MYO16: variants seen among roughly 807,000 people sequenced by gnomAD.
MYO16 encodes the protein unconventional myosin-XVI.
MYO16 carries 94 observed loss-of-function variants against 205.3 expected under a neutral mutation model. The ratio of observed to expected loss-of-function variants is 0.46; its 90% CI spans 0.39 to 0.54. The LOEUF (loss-of-function observed/expected upper bound fraction) is 0.54, where lower values mean the gene tolerates loss of function less well. Among genes scored for constraint, MYO16 ranks in the 20% least tolerant of loss-of-function variants. The pLI is 0.00. For synonymous variants in MYO16, 988 were observed against 954.0 expected, an observed-to-expected ratio of 1.04 and a Z score of -0.66; for missense variants, 2,315 against 2,387.5, an observed-to-expected ratio of 0.97 and a Z score of 0.63.
At chr13:109,025,250 G>C (rs901969954) in intron 23 of MYO16, among the ~76,000 whole-genome samples, 7 of 152,240 alleles carry the variant, frequency 4.6e-5, no homozygotes, top group Middle Eastern at 3.4e-3. Flanking sequence ...CCACCTGGAG[G>C]GACTCGCCTA....
chr13:108,892,428 A>T (rs569657444), intron 14 of MYO16, among the ~76,000 whole-genome samples: 5 of 152,124 alleles, frequency 3.3e-5, no homozygotes, highest in Admixed American at 1.3e-4. Flanking sequence ...TTTAGTAGAG[A>T]TGGGGTTGCA....
intron 9 of MYO16, among the ~76,000 whole-genome samples, chr13:108,829,144 C>T (rs1200586905): frequency 1.3e-5 from 2 of 152,124 alleles, no homozygotes; most frequent in Admixed American, 6.5e-5. Context: ...GTGCCCTTAA[C>T]CTGTAGGCTC....
intron 16 of MYO16, 97 bp from the exon 17 acceptor site, chr13:108,957,591 C>A: frequency 1.3e-6 from 1 of 772,062 alleles, no homozygotes; most frequent in East Asian, 2.7e-5. Flanking sequence ...AGGTGATTCC[C>A]ATCATTTTAG....
At chr13:108,557,744 G>A in the MYO16 span, among the ~76,000 whole-genome samples, 1 of 152,010 alleles carries the variant, frequency 6.6e-6, no homozygotes, top group African/African-American at 2.4e-5. Flanking sequence ...ATGAAAAGAG[G>A]TCAATATTTA....
upstream of MYO16, among the ~76,000 whole-genome samples, chr13:108,591,223 C>T (rs2139284122): frequency 6.6e-6 from 1 of 152,280 alleles, no homozygotes; most frequent in Admixed American, 6.5e-5. Context: ...CTGAGAAGCC[C>T]TGTCTCTGGG....
chr13:109,173,953 G>GGGT (rs1555338670), intron 33 of MYO16, among the ~76,000 whole-genome samples: 2 of 147,630 alleles, frequency 1.4e-5, no homozygotes, highest in African/African-American at 2.5e-5. Flanking sequence ...TTGATGGGGG[G>GGGT]GGGTACTCTC....
chr13:109,022,125 A>G (rs193233418), intron 23 of MYO16, among the ~76,000 whole-genome samples: 16 of 135,212 alleles, frequency 1.2e-4, no homozygotes, highest in African/African-American at 4.3e-4. Flanking sequence ...ATATACAAAT[A>G]TATATACATA....
chr13:108,720,702 G>A (rs1041747508), intron 3 of MYO16, among the ~76,000 whole-genome samples: 1 of 152,162 alleles, frequency 6.6e-6, no homozygotes, highest in African/African-American at 2.4e-5. Context: ...TGCCATGACT[G>A]CTCCGTAACC....
the MYO16 span, among the ~76,000 whole-genome samples, chr13:108,534,873 C>T: frequency 6.8e-6 from 1 of 147,180 alleles, no homozygotes; most frequent in Non-Finnish European, 1.5e-5. Flanking sequence ...CCTTCTTCTC[C>T]TTCTTCTTCT....
intron 34 of MYO16, among the ~76,000 whole-genome samples, chr13:109,203,250 A>G (rs1880469319): frequency 6.6e-6 from 1 of 152,242 alleles, no homozygotes; most frequent in Admixed American, 6.5e-5. Context: ...AGTCAGCAGC[A>G]TAAACAGACA....
Position 108,883,220 on chromosome 13 carries a change from G to A in MYO16, c.1553+34G>A, listed in dbSNP as rs771935418. On this transcript the variant is annotated intron_variant, in intron 13 of 34. Coordinates refer to ENST00000457511, the MANE Select transcript of MYO16 (RefSeq NM_001198950.3). Reference sequence around the variant, plus strand: ...TCCTCAACCTTGTCTGCCAGGCTCAGGTTTGCCACGGGGCTTGGCAGTAAA... The same window carrying A: ...TCCTCAACCTTGTCTGCCAGGCTCAAGTTTGCCACGGGGCTTGGCAGTAAA... 4 of 1,601,662 alleles carry A rather than the reference G, an allele frequency of 2.5e-6. No homozygotes were observed. In the South Asian group the frequency reaches 4.4e-5, roughly 18 times the overall value.
At chr13:109,122,692 A>C (rs539733286) in intron 29 of MYO16, among the ~76,000 whole-genome samples, 60 of 152,166 alleles carry the variant, frequency 3.9e-4, no homozygotes, top group African/African-American at 1.4e-3. Context: ...GTCTCAAAAA[A>C]AAAAAAAAAA....
At chr13:108,752,963 T>C (rs914179130) in intron 4 of MYO16, among the ~76,000 whole-genome samples, 2 of 151,614 alleles carry the variant, frequency 1.3e-5, no homozygotes, top group Non-Finnish European at 2.9e-5. Flanking sequence ...CACTATTAAG[T>C]TTTTGTATAT....
intron 20 of MYO16, among the ~76,000 whole-genome samples, chr13:108,980,779 A>G (rs1594443909): frequency 6.6e-6 from 1 of 152,302 alleles, no homozygotes; most frequent in East Asian, 1.9e-4. Flanking sequence ...AGAAGTTGTG[A>G]AGCTACGATT....
At chr13:108,811,473 C>T (rs1258227737) in intron 7 of MYO16, among the ~76,000 whole-genome samples, 1 of 151,832 alleles carries the variant, frequency 6.6e-6, no homozygotes, top group East Asian at 1.9e-4. Flanking sequence ...CCTCTCTGTT[C>T]CTCTCCCAAA....
intron 7 of MYO16, among the ~76,000 whole-genome samples, chr13:108,816,239 T>C (rs1281761319): frequency 6.6e-6 from 1 of 152,146 alleles, no homozygotes; most frequent in East Asian, 1.9e-4. Flanking sequence ...GTACAGATAT[T>C]GTACTTAAAA....
At chr13:108,824,506 A>C (rs929048593) in intron 9 of MYO16, among the ~76,000 whole-genome samples, 3 of 152,078 alleles carry the variant, frequency 2.0e-5, no homozygotes, top group Admixed American at 6.6e-5. Flanking sequence ...CCTTATGGCT[A>C]ATATTTAGTT....
intron 5 of MYO16, 119 bp from the exon 6 acceptor site, chr13:108,793,397 G>A (rs1308393799): frequency 3.3e-6 from 3 of 911,164 alleles, no homozygotes; most frequent in African/African-American, 3.5e-5. Context: ...AGTGTTCAAA[G>A]TGGAAGAGAA....
At chr13:109,110,266 T>A (rs953865753) in intron 28 of MYO16, among the ~76,000 whole-genome samples, 1 of 152,254 alleles carries the variant, frequency 6.6e-6, no homozygotes, top group African/African-American at 2.4e-5. Context: ...TTTTTCACAA[T>A]GTGTCTCTTT....
Sources: allele counts gnomAD v4.1 joint callset (sites outside exome capture counted in the v4.1 genomes callset), GRCh38; gene constraint gnomAD v4.1.1; transcripts MANE v1.5; gene names NCBI Gene and HGNC (gene_info 2026-07-23, HGNC 2026-07-21).